FANCA: variants seen among roughly 807,000 people sequenced by gnomAD.
FANCA encodes Fanconi anemia group A protein.
In FANCA, 236 loss-of-function variants were observed where a neutral mutation model predicts 194.3. The observed-to-expected ratio is 1.21, with a 90% CI of 1.09 to 1.35. FANCA has a LOEUF of 1.35. FANCA is among the 40% of genes most tolerant of loss of function. FANCA has a pLI of 0.00. For synonymous variants in FANCA, 1,014 were observed against 715.8 expected (o/e 1.42, Z -6.65); for missense variants, 2,628 against 1,813.9 (o/e 1.45, Z -8.15).
Position 89,738,525 on chromosome 16 carries a change from G to A in FANCA, c.*76C>T, listed in dbSNP as rs2062025394. Reference sequence around the variant, plus strand: ...GGAGATTTGTAATCCACTTTTTAGTGCAACAAGAGCTCCATGTTATGCTTG... The same window carrying A: ...GGAGATTTGTAATCCACTTTTTAGTACAACAAGAGCTCCATGTTATGCTTG... On this transcript the variant is annotated 3_prime_UTR_variant, in exon 43 of 43. Transcript: ENST00000389301. 3 of 1,598,388 alleles carry A rather than the reference G, an allele frequency of 1.9e-6. No individual in the cohort carries two copies. The highest frequency in any genetic ancestry group is 2.2e-5 in the East Asian group (1 of 44,808).
intron 31 of FANCA, among the ~76,000 whole-genome samples, chr16:89,751,160 T>C (rs1259530979): frequency 6.6e-6 from 1 of 152,180 alleles, no homozygotes; most frequent in Non-Finnish European, 1.5e-5. Flanking sequence ...CCCAAAGTGC[T>C]GGGATTACAG....
intron 3 of FANCA, among the ~76,000 whole-genome samples, chr16:89,812,646 C>G (rs1317523593): frequency 2.4e-5 from 1 of 42,358 alleles, no homozygotes; most frequent in Non-Finnish European, 5.7e-5. Context: ...TACTCCGTCT[C>G]AAAAAAAAAA....
chr16:89,770,627 T>C lies in FANCA; in HGVS notation c.2159A>G (p.Asp720Gly). ...CTGACAGAAAGACGTCAGCAGGAGG[T>C]CCACAGCCTGCAGAGACACAGTTCT... ...RLEPREHMAV[D>G]LLLTSFCQNL... The change falls in exon 24 of 43, where the codon GAC becomes GGC. Residue 720 changes from aspartate to glycine, a missense_variant. By Grantham distance (94) the Asp-to-Gly change is moderately conservative (BLOSUM62 -1). Coordinates refer to ENST00000389301, the MANE Select transcript of FANCA (RefSeq NM_000135.4). 1 of 1,609,210 alleles carries C rather than the reference T, an allele frequency of 6.2e-7. No homozygotes were observed. Among genetic ancestry groups the C allele is most frequent in the Non-Finnish European group, 8.5e-7 (1 of 1,177,896 alleles).
At chr16:89,788,921 A>ACAAAAC (rs1442062533) in intron 14 of FANCA, among the ~76,000 whole-genome samples, 2 of 152,154 alleles carry the variant, frequency 1.3e-5, no homozygotes, top group Non-Finnish European at 2.9e-5. Flanking sequence ...AGAAAAGCAA[A>ACAAAAC]CAAAACCAAA....
At chr16:89,779,243 G>A (rs1018740342) in intron 18 of FANCA, among the ~76,000 whole-genome samples, 5 of 152,134 alleles carry the variant, frequency 3.3e-5, no homozygotes, top group African/African-American at 1.2e-4. Context: ...CTTGAACGTG[G>A]AGCCTGGATC....
chr16:89,742,740 A>G (rs992835141), intron 37 of FANCA, 60 bp downstream of exon 37: 3 of 1,592,570 alleles, frequency 1.9e-6, no homozygotes, highest in Non-Finnish European at 1.7e-6. Flanking sequence ...CCAGAGAAAT[A>G]GCACTGATTG....
At chr16:89,809,820 T>G (rs1297806936) in intron 5 of FANCA, among the ~76,000 whole-genome samples, 2 of 149,692 alleles carry the variant, frequency 1.3e-5, no homozygotes, top group African/African-American at 4.9e-5. Flanking sequence ...ACCATTGCAC[T>G]CCAGCCTGGG....
intron 15 of FANCA, among the ~76,000 whole-genome samples, chr16:89,784,390 C>G (rs199718085): frequency 1.5e-5 from 1 of 66,432 alleles, no homozygotes; most frequent in Non-Finnish European, 3.3e-5. Flanking sequence ...CCCAAAAAAA[C>G]AAAAAAACAA....
At chr16:89,799,470 C>G (rs910917591) in intron 9 of FANCA, 135 bp downstream of exon 9, 5 of 1,017,212 alleles carry the variant, frequency 4.9e-6, no homozygotes, top group Non-Finnish European at 7.7e-6. Flanking sequence ...AAAACAAGGG[C>G]ATTCCAGTAC....
At chr16:89,775,279 C>T (rs1222959238) in intron 21 of FANCA, among the ~76,000 whole-genome samples, 1 of 152,202 alleles carries the variant, frequency 6.6e-6, no homozygotes, top group Non-Finnish European at 1.5e-5. Context: ...GGGCGTAGGT[C>T]TGACCGACAG....
In FANCA at chr16:89,750,537, C is replaced by T. The variant is rs546880793; in HGVS notation, c.3067-635G>A. Reference sequence around the variant, plus strand: ...GGTATGGTGGCTCACGCCTGTAATCCCAGAACTTTGGGAGGCCAAGACAGA... The same window carrying T: ...GGTATGGTGGCTCACGCCTGTAATCTCAGAACTTTGGGAGGCCAAGACAGA... On this transcript the variant is annotated intron_variant, in intron 31 of 42. Coordinates refer to ENST00000389301, the MANE Select transcript of FANCA (RefSeq NM_000135.4). 4.4e-4 allele frequency among the ~76,000 whole-genome samples: 67 copies of T among 152,016 alleles called. No homozygotes were observed. In the South Asian group the frequency reaches 0.014, roughly 31 times the overall value.
At chr16:89,792,389 G>T (rs1057036680) in intron 12 of FANCA, 82 bp downstream of exon 12, 2 of 1,430,112 alleles carry the variant, frequency 1.4e-6, no homozygotes, top group Admixed American at 3.3e-5. Context: ...GCCGTCCACG[G>T]CAGGCAGCAT....
intron 28 of FANCA, 101 bp downstream of exon 28, chr16:89,764,789 G>C: frequency 7.3e-7 from 1 of 1,373,460 alleles, no homozygotes; most frequent in Non-Finnish European, 1.0e-6. Context: ...TGATGCAGGG[G>C]AAGGAACGGT....
chr16:89,749,634 CG>C (rs1421041335), intron 32 of FANCA, 95 bp downstream of exon 32: 1 of 1,457,796 alleles, frequency 6.9e-7, no homozygotes, highest in African/African-American at 1.4e-5. Context: ...AAGTAAGTAA[CG>C]GGAAACAAAC....
At chr16:89,772,976 G>C (rs2039375432) in intron 22 of FANCA, among the ~76,000 whole-genome samples, 1 of 152,138 alleles carries the variant, frequency 6.6e-6, no homozygotes, top group African/African-American at 2.4e-5. Context: ...GGATGAGCGG[G>C]AAAACAGGCA....
intron 24 of FANCA, 59 bp from the exon 25 acceptor site, chr16:89,770,318 A>C: frequency 7.1e-7 from 1 of 1,414,576 alleles, no homozygotes; most frequent in Non-Finnish European, 9.8e-7. Flanking sequence ...CATCCCTCCA[A>C]CAGCTAATCC....
chr16:89,768,442 G>T (rs886947203), intron 26 of FANCA, among the ~76,000 whole-genome samples: 3 of 152,068 alleles, frequency 2.0e-5, no homozygotes, highest in African/African-American at 7.2e-5. Flanking sequence ...GATCACTTGA[G>T]GTCAGGAGTT....
intron 17 of FANCA, among the ~76,000 whole-genome samples, chr16:89,780,417 G>A (rs1022740206): frequency 3.3e-5 from 5 of 152,128 alleles, no homozygotes; most frequent in Admixed American, 2.6e-4. Context: ...AGCCCAAGGA[G>A]TTCAAGCCCG....
rs373423046 is a variant in FANCA at position 89,767,126 on chromosome 16, A to G, written c.2601+15T>C. 13 of 1,590,898 alleles carry G rather than the reference A, an allele frequency of 8.2e-6. No individual in the cohort carries two copies. Among genetic ancestry groups the G allele is most frequent in the Middle Eastern group, 1.7e-4 (1 of 6,040 alleles). On this transcript the variant is annotated intron_variant, in intron 27 of 42. Transcript: ENST00000389301. The stretch of plus-strand genomic sequence containing the variant: ...CGTATGGCAGAATGGAAAAATAGGA[A>G]AAGAGTGAACCTACCTTTTTAATAA...
Sources: allele counts gnomAD v4.1 joint callset (sites outside exome capture counted in the v4.1 genomes callset), GRCh38; gene constraint gnomAD v4.1.1; transcripts MANE v1.5; gene names NCBI Gene and HGNC (gene_info 2026-07-23, HGNC 2026-07-21).